DGKH: variants seen among roughly 807,000 people sequenced by gnomAD.
The protein encoded by DGKH is diacylglycerol kinase eta, also known as DAG kinase eta.
DGKH carries 90 observed loss-of-function variants against 159.3 expected under a neutral mutation model. The ratio of observed to expected loss-of-function variants is 0.57; its 90% CI spans 0.48 to 0.67. The LOEUF is 0.67. Ranked by LOEUF, DGKH falls within the 30% of genes least tolerant of loss-of-function variation. The pLI is 0.00. For synonymous variants in DGKH, 536 were observed against 553.8 expected (o/e 0.97, Z 0.45); for missense variants, 1,181 against 1,506.1 (o/e 0.78, Z 3.57).
chr13:42,201,894 C>T (rs577614601), intron 20 of DGKH, among the ~76,000 whole-genome samples: 17 of 152,170 alleles, frequency 1.1e-4, no homozygotes, highest in South Asian at 6.2e-4. Context: ...ACATCTATAA[C>T]GTAATATAAA....
chr13:42,188,915 T>C, intron 14 of DGKH, 121 bp from the exon 15 acceptor site: 2 of 1,111,690 alleles, frequency 1.8e-6, no homozygotes, highest in Non-Finnish European at 2.5e-6. Flanking sequence ...AGGTGAGAAT[T>C]TTGGTGTTTT....
Position 42,230,575 on chromosome 13 carries a change from T to A in DGKH, c.*1387T>A, listed in dbSNP as rs1958264266. 2 of 152,134 alleles carry A rather than the reference T, an allele frequency of 1.3e-5. No individual in the cohort carries two copies. Among genetic ancestry groups the A allele is most frequent in the Admixed American group, 1.3e-4 (2 of 15,270 alleles). 9.4% of individuals were successfully genotyped at this position (152,134 alleles called of 1,614,324 possible). ...ATTATAATATTTTAAAATTTGTATATAAGAGAAATAAACAGGGTACTGACT... is the reference window on the plus strand; with the variant it reads ...ATTATAATATTTTAAAATTTGTATAAAAGAGAAATAAACAGGGTACTGACT... On this transcript the variant is annotated 3_prime_UTR_variant, in exon 30 of 30. Coordinates refer to ENST00000337343, the MANE Select transcript of DGKH (RefSeq NM_178009.5).
At chr13:42,116,438 C>T (rs1030024692) in intron 1 of DGKH, among the ~76,000 whole-genome samples, 6 of 152,212 alleles carry the variant, frequency 3.9e-5, no homozygotes, top group Non-Finnish European at 4.4e-5. Context: ...CATGCTGGGA[C>T]ATGACTGGTA....
At chr13:42,116,749 G>A (rs1954975560) in intron 1 of DGKH, among the ~76,000 whole-genome samples, 1 of 152,166 alleles carries the variant, frequency 6.6e-6, no homozygotes, top group Non-Finnish European at 1.5e-5. Flanking sequence ...GTGACATCCT[G>A]GAGCATCCAT....
chr13:42,194,332 T>A (rs556646078), intron 16 of DGKH, among the ~76,000 whole-genome samples: 2 of 152,242 alleles, frequency 1.3e-5, no homozygotes, highest in Admixed American at 1.3e-4. Flanking sequence ...AGGGTCTCGC[T>A]GTGTTGCCCA....
chr13:42,172,909 A>T (rs756973997), intron 11 of DGKH, among the ~76,000 whole-genome samples: 2 of 151,984 alleles, frequency 1.3e-5, no homozygotes, highest in Non-Finnish European at 2.9e-5. Flanking sequence ...TCCTGACCGC[A>T]GGTGATCCAC....
chr13:42,119,052 G>T (rs896521664), intron 1 of DGKH, among the ~76,000 whole-genome samples: 2 of 152,178 alleles, frequency 1.3e-5, no homozygotes, highest in African/African-American at 4.8e-5. Flanking sequence ...CTTTGGCCAA[G>T]ATGTATTTTT....
At chr13:42,251,304 C>T (rs1332414138) in intron 29 of DGKH, among the ~76,000 whole-genome samples, 4 of 152,028 alleles carry the variant, frequency 2.6e-5, no homozygotes, top group East Asian at 1.9e-4. Context: ...GGCAAAACAC[C>T]GTCTGTACTG....
intron 27 of DGKH, 151 bp downstream of exon 27, chr13:42,219,500 A>C (rs1489960667): frequency 1.5e-6 from 2 of 1,329,082 alleles, no homozygotes; most frequent in Admixed American, 4.9e-5. Context: ...AAAGGCATTT[A>C]TGTGAACGCA....
At chr13:42,045,206 C>G (rs928209558), upstream of DGKH, among the ~76,000 whole-genome samples, 5 of 151,974 alleles carry the variant, frequency 3.3e-5, no homozygotes, top group Non-Finnish European at 7.4e-5. Flanking sequence ...TGTGACTACC[C>G]TGGGAGGCTG....
At chr13:42,120,605 T>C (rs116859486) in intron 1 of DGKH, among the ~76,000 whole-genome samples, 2,885 of 152,204 alleles carry the variant, frequency 0.019, 44 homozygotes, top group Middle Eastern at 0.058. Context: ...AAGACAAAGT[T>C]TAAAAGAATT....
intron 17 of DGKH, among the ~76,000 whole-genome samples, chr13:42,196,294 A>G (rs926172771): frequency 6.6e-6 from 1 of 152,218 alleles, no homozygotes; most frequent in Admixed American, 6.5e-5. Context: ...CAATTTTACT[A>G]CTAGGTATAC....
At chr13:42,069,580 A>G in intron 1 of DGKH, 1 of 1,578,242 alleles carries the variant, frequency 6.3e-7, no homozygotes, top group Non-Finnish European at 8.7e-7. Flanking sequence ...CTCTAGCGCT[A>G]TCTGGGCTTT....
chr13:42,061,978 T>A (rs142977070), intron 1 of DGKH, among the ~76,000 whole-genome samples: 16 of 136,618 alleles, frequency 1.2e-4, no homozygotes, highest in Admixed American at 1.0e-3. Flanking sequence ...AGATGGAGAG[T>A]GTGTGTGTGG....
intron 2 of DGKH, among the ~76,000 whole-genome samples, chr13:42,128,234 A>G (rs1311265347): frequency 6.6e-6 from 1 of 152,164 alleles, no homozygotes. Flanking sequence ...AATTTGTAAA[A>G]ACTCGTATTT....
intron 1 of DGKH, among the ~76,000 whole-genome samples, chr13:42,115,536 T>C (rs1031181556): frequency 6.6e-6 from 1 of 151,516 alleles, no homozygotes; most frequent in Non-Finnish European, 1.5e-5. Context: ...TGGGATGGGG[T>C]GGGAGGTTTA....
At chr13:42,043,940 T>A (rs1050990419), upstream of DGKH, 1 of 152,130 alleles carries the variant, frequency 6.6e-6, no homozygotes, top group African/African-American at 2.4e-5. Context: ...GCTCAAGCAA[T>A]TCTCCTACCT....
intron 20 of DGKH, among the ~76,000 whole-genome samples, chr13:42,204,710 A>G (rs1300461139): frequency 1.3e-5 from 2 of 152,196 alleles, no homozygotes; most frequent in African/African-American, 4.8e-5. Flanking sequence ...ACCAGCTGTA[A>G]CAATTTCCAA....
intron 13 of DGKH, among the ~76,000 whole-genome samples, chr13:42,179,211 C>T (rs1404722273): frequency 6.6e-6 from 1 of 152,138 alleles, no homozygotes; most frequent in Non-Finnish European, 1.5e-5. Flanking sequence ...CTGTATTTGG[C>T]GGGCAGTGCT....
Sources: allele counts gnomAD v4.1 joint callset (sites outside exome capture counted in the v4.1 genomes callset), GRCh38; gene constraint gnomAD v4.1.1; transcripts MANE v1.5; gene names NCBI Gene and HGNC (gene_info 2026-07-23, HGNC 2026-07-21).